MROH1: variants seen among roughly 807,000 people sequenced by gnomAD.
MROH1 encodes the protein maestro heat-like repeat-containing protein family member 1.
MROH1 carries 117 observed loss-of-function variants against 116.5 expected under a neutral mutation model. The ratio of observed to expected loss-of-function variants is 1.00; its 90% CI spans 0.86 to 1.17. The LOEUF (loss-of-function observed/expected upper bound fraction) is 1.17. Ranked by LOEUF, MROH1 falls within the 50% of genes most tolerant of loss-of-function variation. The pLI, the probability that MROH1 is intolerant of heterozygous loss-of-function variation, is 0.00. For synonymous variants in MROH1, 921 were observed against 583.9 expected (o/e 1.58, Z -8.32); for missense variants, 1,873 against 1,338.5 (o/e 1.40, Z -6.23).
At chr8:144,172,078 A>G (rs1473814746) in intron 4 of MROH1, among the ~76,000 whole-genome samples, 1 of 152,204 alleles carries the variant, frequency 6.6e-6, no homozygotes, top group African/African-American at 2.4e-5. Context: ...CGTGATAGAT[A>G]GTGGGCCCTG....
At chr8:144,161,875 A>C (rs1260602013) in intron 2 of MROH1, among the ~76,000 whole-genome samples, 1 of 152,032 alleles carries the variant, frequency 6.6e-6, no homozygotes, top group Middle Eastern at 3.2e-3. Context: ...CCGGCCACTC[A>C]GCCCAGCTTC....
chr8:144,252,130 G>GT, intron 33 of MROH1: 2 of 169,914 alleles, frequency 1.2e-5, no homozygotes, highest in Non-Finnish European at 1.3e-5. Context: ...CATTCAGATT[G>GT]TTTTTTGGTT....
intron 12 of MROH1, chr8:144,212,954 A>G: frequency 1.3e-6 from 1 of 752,588 alleles, no homozygotes; most frequent in Non-Finnish European, 2.5e-6. Flanking sequence ...ATAGAATTGG[A>G]CTATCCCATA....
chr8:144,206,710 C>T (rs914883185), intron 12 of MROH1, among the ~76,000 whole-genome samples: 10 of 151,516 alleles, frequency 6.6e-5, no homozygotes, highest in African/African-American at 2.4e-4. Context: ...AGGCATGAGC[C>T]ACCGTGCCTG....
chr8:144,250,123 C>A (rs1842611281), intron 32 of MROH1, 89 bp from the exon 33 acceptor site: 4 of 708,490 alleles, frequency 5.6e-6, no homozygotes, highest in African/African-American at 1.7e-5. Context: ...ATGGGGCTCC[C>A]TCATGGCCCC....
intron 1 of MROH1, among the ~76,000 whole-genome samples, chr8:144,152,094 C>A (rs1816941856): frequency 6.6e-6 from 1 of 152,276 alleles, no homozygotes; most frequent in East Asian, 1.9e-4. Context: ...ATGTCTCATA[C>A]CTATATACCT....
In MROH1 at chr8:144,178,109, G is replaced by C. The variant is rs148963825; in HGVS notation, c.169-1346G>C. 7.7e-3 allele frequency among the ~76,000 whole-genome samples: 1,165 copies of C among 151,050 alleles called. 15 individuals carry two copies. Among genetic ancestry groups the C allele is most frequent in the African/African-American group, 0.027 (1,093 of 41,096 alleles). On this transcript the variant is annotated intron_variant, in intron 4 of 43. Transcript: ENST00000326134. ...CAAGTAGCTGGGATTACAGGTGCCG[G>C]CCACTGTGACTGGGTAATTTTTGTT...
At chr8:144,154,224 C>T (rs996199916) in intron 1 of MROH1, among the ~76,000 whole-genome samples, 8 of 152,088 alleles carry the variant, frequency 5.3e-5, no homozygotes, top group South Asian at 4.2e-4. Flanking sequence ...GCCACCACGC[C>T]GGCTAATTTT....
chr8:144,155,124 T>C (rs1175028058), intron 1 of MROH1, among the ~76,000 whole-genome samples: 1 of 152,116 alleles, frequency 6.6e-6, no homozygotes, highest in African/African-American at 2.4e-5. Context: ...CCTAATTTTG[T>C]ATTTTTAGTA....
intron 1 of MROH1, among the ~76,000 whole-genome samples, chr8:144,158,631 T>G (rs1366982586): frequency 6.6e-6 from 1 of 152,258 alleles, no homozygotes; most frequent in African/African-American, 2.4e-5. Context: ...TCAAAGCATA[T>G]TAAATAGTTT....
intron 12 of MROH1, among the ~76,000 whole-genome samples, chr8:144,216,548 G>A (rs910211002): frequency 3.9e-5 from 6 of 152,268 alleles, no homozygotes; most frequent in Admixed American, 2.6e-4. Context: ...TGTGAGTGGA[G>A]ACTGGAAGCT....
rs1192976817 is a variant in MROH1, at chr8:144,182,241, G to A, written c.562+1718G>A. Among the ~76,000 whole-genome samples the A allele has an allele frequency of 6.6e-6, 1 of 152,208 alleles. No individual in the cohort carries two copies. Among genetic ancestry groups the A allele is most frequent in the East Asian group, 1.9e-4 (1 of 5,184 alleles). ...AGGACAGGCAGTGTGCCAAGGACAG[G>A]AGTGCCCTCAGGGCACTGCAGCCAG... On this transcript the variant is annotated intron_variant, in intron 7 of 43. Transcript: ENST00000326134. This position sits in a 1 kb window ranked among gnomAD's most constrained non-coding sequence, Gnocchi z 4.1.
rs988418347 is a variant in MROH1, at chr8:144,180,631, G to A, written c.562+108G>A. 9.1e-6 allele frequency: 10 copies of A among 1,102,016 alleles called. No individual in the cohort carries two copies. Among genetic ancestry groups the A allele is most frequent in the Admixed American group, 2.5e-5 (1 of 40,674 alleles). 68.3% of individuals were successfully genotyped at this position (1,102,016 alleles called of 1,614,324 possible). A position where few individuals can be genotyped will look rare whatever the true frequency, so the allele number is the denominator to read the frequency against. The stretch of plus-strand genomic sequence containing the variant: ...AGGTGGGCACTTTAGGCTGCAGGAA[G>A]GGGGGCTGTTGGAGGGAGGGGCCCC... On this transcript the variant is annotated intron_variant, in intron 7 of 43. Transcript: ENST00000326134. The surrounding 1 kb of genome is among the most constrained non-coding windows in gnomAD (Gnocchi z 7.4).
intron 4 of MROH1, among the ~76,000 whole-genome samples, chr8:144,174,334 C>T (rs1823265370): frequency 6.6e-6 from 1 of 152,004 alleles, no homozygotes; most frequent in South Asian, 2.1e-4. Context: ...AGGGGACCCA[C>T]CCCTCTCTAC....
chr8:144,236,845 A>G (rs1840117615), intron 14 of MROH1, among the ~76,000 whole-genome samples: 3 of 144,040 alleles, frequency 2.1e-5, no homozygotes. Flanking sequence ...CTCCAGTGAT[A>G]TTGCTGTACT....
At position 144,159,745 on chromosome 8, in the gene MROH1, GCTT is replaced by G. The variant is rs1819032244; in HGVS notation, c.-176-1221_-176-1219del. On this transcript the variant is annotated intron_variant, in intron 1 of 43. Transcript: ENST00000326134. ...TCCTCACAATGGGTTGGATTTTCTT[GCTT>G]CTTTGTACGCCTGGTAATTTTTTTT... Among the ~76,000 whole-genome samples the G allele has an allele frequency of 4.0e-5, 6 of 149,518 alleles. No individual in the cohort carries two copies. The South Asian group carries it at 1.3e-3, about 32-fold the overall frequency.
At position 144,180,075 on chromosome 8, in the gene MROH1, G is replaced by A. The variant is rs967987518; in HGVS notation, c.301-103G>A. The A allele has an allele frequency of 1.4e-6, 2 of 1,436,996 alleles. No individual in the cohort carries two copies. The highest frequency in any genetic ancestry group is 2.8e-5 in the African/African-American group (2 of 71,436). The allele number at this position is 1,436,996 out of a possible 1,614,324, so 89.0% of individuals were successfully genotyped here. On this transcript the variant is annotated intron_variant, in intron 5 of 43. Transcript: ENST00000326134. This position sits in a 1 kb window ranked among gnomAD's most constrained non-coding sequence, Gnocchi z 7.4. Reference sequence around the variant, plus strand: ...CCACCTTCCCTGACCTGCACTTTCTGGGGACGCTGAAAACAGCGTGCGCTT... The same window carrying A: ...CCACCTTCCCTGACCTGCACTTTCTAGGGACGCTGAAAACAGCGTGCGCTT...
At chr8:144,209,810 G>C (rs966268141) in intron 12 of MROH1, among the ~76,000 whole-genome samples, 1 of 150,966 alleles carries the variant, frequency 6.6e-6, no homozygotes, top group African/African-American at 2.4e-5. Flanking sequence ...GGGGACTGAG[G>C]TGAGAGGATC....
chr8:144,176,372 C>CA (rs61508054), intron 4 of MROH1, among the ~76,000 whole-genome samples: 122,568 of 139,744 alleles, frequency 0.88, 54,647 homozygotes, highest in East Asian at 0.99. Context: ...GACTGCATCT[C>CA]AAAAAAAAAA....
Sources: gnomAD v4.1 joint callset for allele counts (sites outside exome capture counted in the v4.1 genomes callset) on GRCh38, gnomAD v4.1.1 for gene constraint, Gnocchi (gnomAD v3.1) non-coding constraint, MANE v1.5 for transcripts, NCBI Gene and HGNC (gene_info 2026-07-23, HGNC 2026-07-21) for gene names.